HELZ2: variants seen among roughly 807,000 people sequenced by gnomAD.
HELZ2 encodes the protein 3'-5' exoribonuclease HELZ2.
Under a neutral mutation model 208.8 loss-of-function variants are expected in HELZ2, and 143 were observed. That is an observed-to-expected ratio of 0.68 (90% CI 0.60 to 0.79). HELZ2 has a LOEUF of 0.79. Ranked by LOEUF, HELZ2 falls within the 30% of genes least tolerant of loss-of-function variation. The pLI is 0.00. For synonymous variants in HELZ2, 1,705 were observed against 1,693.7 expected (o/e 1.01, Z -0.16); for missense variants, 3,690 against 3,794.5 (o/e 0.97, Z 0.72).
chr20:63,570,022 C>CA, intron 3 of HELZ2: 1 of 447,798 alleles, frequency 2.2e-6, no homozygotes, highest in Non-Finnish European at 4.1e-6. Context: ...GATCTCAACT[C>CA]ACTACAACCT....
At chr20:63,569,939 G>A (rs1231219647) in intron 3 of HELZ2, among the ~76,000 whole-genome samples, 1 of 152,122 alleles carries the variant, frequency 6.6e-6, no homozygotes, top group Non-Finnish European at 1.5e-5. Flanking sequence ...CCAGACCCTG[G>A]TGAATCCTTG....
upstream of HELZ2, chr20:63,572,508 A>C: frequency 2.4e-5 from 26 of 1,073,504 alleles, no homozygotes; most frequent in South Asian, 3.4e-5. Context: ...ACCACCACAA[A>C]CTGTTGCTTG....
Position 63,565,443 on chromosome 20 carries a change from C to A in HELZ2, c.3379G>T (p.Glu1127Ter). The change falls in exon 8 of 19, where the codon GAG becomes TAG. Residue 1127 changes from glutamate to a stop codon, truncating the protein, a stop_gained. Transcript: ENST00000467148. LOFTEE classifies it high-confidence loss of function. Reference sequence around the variant, plus strand: ...ACGAAAGAGCAGTGGCGGTACCGCTCGGGCTCCGCGTGCAGCAGCTTCCGT... The same window carrying A: ...ACGAAAGAGCAGTGGCGGTACCGCTAGGGCTCCGCGTGCAGCAGCTTCCGT... 6.2e-7 allele frequency: 1 copy of A among 1,609,804 alleles called. No individual in the cohort carries two copies.
At position 63,564,777 on chromosome 20, in the gene HELZ2, C is replaced by T. The variant is rs1265477587; in HGVS notation, c.4045G>A (p.Gly1349Ser). The stretch of plus-strand genomic sequence containing the variant: ...AGGGCATCATCGAGGTTGCAGGCGC[C>T]CTGGGGGTCCACAGTGAAGGTCAAG... Residue 1349 changes from glycine to serine, a missense_variant, in exon 8 of 19, where the codon GGC becomes AGC. By Grantham distance (56) the Gly-to-Ser change is moderately conservative. Coordinates refer to ENST00000467148, the Ensembl canonical transcript of HELZ2. 2.5e-6 allele frequency: 4 copies of T among 1,612,026 alleles called. No individual in the cohort carries two copies. The highest frequency in any genetic ancestry group is 3.4e-6 in the Non-Finnish European group (4 of 1,179,340).
downstream of HELZ2, chr20:63,559,059 G>C (rs310628): frequency 1.6e-6 from 1 of 611,756 alleles, no homozygotes; most frequent in South Asian, 2.3e-5. Flanking sequence ...TGCCCAGGAG[G>C]AGCAAGAGTG....
chr20:63,568,674 G>A lies in HELZ2; in HGVS notation c.1414C>T (p.Gln472Ter). 6.2e-7 allele frequency: 1 copy of A among 1,605,988 alleles called. No individual in the cohort carries two copies. The highest frequency in any genetic ancestry group is 8.5e-7 in the Non-Finnish European group (1 of 1,179,368). ...AGGCGGAAGGTCATCGGGTCAATCTGGAACTGCACCTCCAGGACCAGGCGG... is the reference window on the plus strand; with the variant it reads ...AGGCGGAAGGTCATCGGGTCAATCTAGAACTGCACCTCCAGGACCAGGCGG... The change falls in exon 5 of 19, where the codon CAG (glutamine) becomes TAG (stop). Residue 472 changes from glutamine (Q) to a stop codon, truncating the protein, a stop_gained. Coordinates refer to ENST00000467148, the Ensembl canonical transcript of HELZ2. LOFTEE classifies it high-confidence loss of function.
At chr20:63,570,115 ATTTTT>A (rs56804055) in intron 3 of HELZ2, 28 of 288,472 alleles carry the variant, frequency 9.7e-5, no homozygotes, top group Middle Eastern at 1.3e-3. Context: ...TGCCTGGCTA[ATTTTT>A]TTTTTTTTTT....
At chr20:63,569,294 C>G (rs771044369) in exon 4 of HELZ2, 1 of 1,574,816 alleles carries the variant, frequency 6.3e-7, no homozygotes. Context: ...ACTTGGCCAT[C>G]AGGGCCGTCT....
At chr20:63,563,911 G>T in exon 8 of HELZ2, 1 of 1,594,648 alleles carries the variant, frequency 6.3e-7, no homozygotes, top group Non-Finnish European at 8.6e-7. Flanking sequence ...CCTTGCGGAG[G>T]TCGCGGCCTG....
At chr20:63,569,330 C>T in exon 4 of HELZ2, 2 of 1,596,208 alleles carry the variant, frequency 1.3e-6, no homozygotes, top group Non-Finnish European at 1.7e-6. Context: ...CCACGCCAGG[C>T]ACCACGTGGC....
Position 63,561,599 on chromosome 20 carries a change from A to C in HELZ2, c.6836+2T>G. ...CCCAAGCCCCAAAGACAGCAGGCAC[A>C]CCTGAGGCTCTGGTTCGGCCTCCCC... is the stretch of plus-strand genomic sequence containing the variant. On this transcript the variant is annotated splice_donor_variant, in intron 12 of 18. Transcript: ENST00000467148. LOFTEE classifies it high-confidence loss of function. The C allele has an allele frequency of 6.2e-7, 1 of 1,600,996 alleles. No individual in the cohort carries two copies. Among genetic ancestry groups the C allele is most frequent in the Non-Finnish European group, 8.5e-7 (1 of 1,173,452 alleles).
Position 63,570,871 on chromosome 20 carries a change from G to C in HELZ2, c.279-3C>G. The C allele has an allele frequency of 6.3e-7, 1 of 1,581,224 alleles. No homozygotes were observed. Among genetic ancestry groups the C allele is most frequent in the Non-Finnish European group, 8.6e-7 (1 of 1,160,070 alleles). On this transcript the variant is annotated splice_polypyrimidine_tract_variant and splice_region_variant and intron_variant, in intron 1 of 18. Transcript: ENST00000467148. ...CCCCATACTCACAGAGGTCAGGCCT[G>C]GGGGACAGGGAGGTCAGCAGGGCTA...
At chr20:63,559,737 A>C (rs1600964294) in intron 18 of HELZ2, among the ~76,000 whole-genome samples, 191 bp downstream of exon 19, 1 of 86,698 alleles carries the variant, frequency 1.2e-5, no homozygotes, top group Non-Finnish European at 2.3e-5. Context: ...GTCAGGTGGG[A>C]GGAGTCAGGG....
chr20:63,571,028 G>T, intron 1 of HELZ2, 160 bp from the exon 3 acceptor site: 1 of 598,294 alleles, frequency 1.7e-6, no homozygotes, highest in Non-Finnish European at 2.9e-6. Context: ...GGCTCAAGCA[G>T]TTCCCAAACA....
At chr20:63,562,465 G>C (rs1034418689) in intron 8 of HELZ2, 55 bp downstream of exon 9, 12 of 1,521,780 alleles carry the variant, frequency 7.9e-6, no homozygotes, top group Non-Finnish European at 1.1e-5. Context: ...CCTCCTGCAA[G>C]TGAGGGGCCC....
At chr20:63,570,045 T>C (rs1397734351) in intron 3 of HELZ2, 1 of 423,398 alleles carries the variant, frequency 2.4e-6, no homozygotes, top group Non-Finnish European at 4.4e-6. Context: ...GCCTCCTGGG[T>C]TCAAGTGATT....
At chr20:63,559,531 A>G (rs1400278938) in intron 18 of HELZ2, among the ~76,000 whole-genome samples, 161 bp from the exon 20 acceptor site, 1 of 42,546 alleles carries the variant, frequency 2.4e-5, no homozygotes, top group Non-Finnish European at 4.7e-5. Context: ...AGTCAGAGTC[A>G]GGTGGGAGGA....
rs372951060 is a variant in HELZ2 at position 63,570,586 on chromosome 20, C to G, written c.488G>C (p.Arg163Pro). 16 of 1,612,552 alleles carry G rather than the reference C, an allele frequency of 9.9e-6. No individual in the cohort carries two copies. Among genetic ancestry groups the G allele is most frequent in the African/African-American group, 4.0e-5 (3 of 75,036 alleles). The change falls in exon 3 of 19, where the codon CGT becomes CCT. Residue 163 changes from arginine to proline, a missense_variant. Transcript: ENST00000467148. ...CATCAGGGGCTGGTTGCAGGTGACA[C>G]GCACTCCATCAAGGGTCTCTGCCAG...
At chr20:63,561,680 C>G in exon 12 of HELZ2, 1 of 1,612,460 alleles carries the variant, frequency 6.2e-7, no homozygotes, top group Non-Finnish European at 8.5e-7. Flanking sequence ...ACTGGGAACT[C>G]GCTGGCCTCA....
Sources: allele counts gnomAD v4.1 joint callset (sites outside exome capture counted in the v4.1 genomes callset), GRCh38; gene constraint gnomAD v4.1.1; transcripts MANE v1.5; gene names NCBI Gene and HGNC (gene_info 2026-07-23, HGNC 2026-07-21).